XRCC5: variants seen among roughly 807,000 people sequenced by gnomAD.
XRCC5 encodes the protein X-ray repair cross complementing 5.
XRCC5 carries 12 observed loss-of-function variants against 95.7 expected under a neutral mutation model. That is an observed-to-expected ratio of 0.13 (90% CI 0.08 to 0.20). The LOEUF (loss-of-function observed/expected upper bound fraction) is 0.20. XRCC5 is among the 10% of genes least tolerant of loss of function. XRCC5 has a pLI of 1.00. For missense variants in XRCC5, 595 were observed against 873.9 expected (o/e 0.68, Z 4.02); for synonymous variants, 281 against 290.3 (o/e 0.97, Z 0.33).
At chr2:216,191,859 A>G (rs968508732) in intron 17 of XRCC5, among the ~76,000 whole-genome samples, 1 of 152,108 alleles carries the variant, frequency 6.6e-6, no homozygotes. Context: ...AAAAGACTAT[A>G]TTTTCTATAT....
chr2:216,115,042 C>T (rs1357186689), intron 2 of XRCC5, among the ~76,000 whole-genome samples: 2 of 152,184 alleles, frequency 1.3e-5, no homozygotes, highest in Non-Finnish European at 2.9e-5. Context: ...AAGAAGGGCG[C>T]AGGGCACTTG....
intron 11 of XRCC5, 141 bp downstream of exon 11, chr2:216,137,366 C>A: frequency 1.0e-6 from 1 of 959,050 alleles, no homozygotes; most frequent in South Asian, 3.1e-5. Context: ...TGGGGCAGGG[C>A]CCAGATTCTC....
At chr2:216,178,288 A>T (rs1394158957) in intron 16 of XRCC5, among the ~76,000 whole-genome samples, 1 of 152,194 alleles carries the variant, frequency 6.6e-6, no homozygotes, top group East Asian at 1.9e-4. Context: ...GGAAAATGCA[A>T]ATAGTAATAT....
intron 16 of XRCC5, among the ~76,000 whole-genome samples, chr2:216,165,330 C>A (rs1382018227): frequency 6.6e-6 from 1 of 152,232 alleles, no homozygotes; most frequent in Non-Finnish European, 1.5e-5. Context: ...AGTATTTCGA[C>A]AAAAGATGTC....
intron 16 of XRCC5, among the ~76,000 whole-genome samples, 177 bp from the exon 17 acceptor site, chr2:216,190,046 TAC>T (rs1339578177): frequency 6.6e-6 from 1 of 152,184 alleles, no homozygotes; most frequent in Non-Finnish European, 1.5e-5. Flanking sequence ...ACTTTGCAAA[TAC>T]AGAGTTTTGA....
chr2:216,195,343 T>TG (rs879671248), intron 19 of XRCC5, among the ~76,000 whole-genome samples: 8,722 of 132,274 alleles, frequency 0.066, 360 homozygotes, highest in Middle Eastern at 0.088. Flanking sequence ...TTGTTTTTCT[T>TG]TTTTTTCTTT....
At chr2:216,151,345 A>G (rs1688740561) in intron 14 of XRCC5, among the ~76,000 whole-genome samples, 1 of 152,234 alleles carries the variant, frequency 6.6e-6, no homozygotes. Flanking sequence ...GAATTCGGAC[A>G]TCTCAGGTCT....
At chr2:216,150,179 T>C (rs966023296) in intron 14 of XRCC5, among the ~76,000 whole-genome samples, 9 of 152,138 alleles carry the variant, frequency 5.9e-5, no homozygotes, top group Non-Finnish European at 1.3e-4. Flanking sequence ...CCAGGGTACA[T>C]ATTTCTAGTG....
chr2:216,162,034 C>T lies in XRCC5; in HGVS notation c.1820C>T (p.Ala607Val). The change falls in exon 16 of 21, where the codon GCC becomes GTC. Residue 607 changes from alanine to valine, a missense_variant. Transcript: ENST00000392132. Reference protein sequence around the residue: ...NFRVLVKQKKASFEEASNQLI... With the variant: ...NFRVLVKQKKVSFEEASNQLI... ...CGTGTTCTAGTGAAACAGAAGAAGG[C>T]CAGCTTTGAGGAAGGTGAGTGGTTG... 1.9e-6 allele frequency: 3 copies of T among 1,614,044 alleles called. No individual in the cohort carries two copies. The highest frequency in any genetic ancestry group is 2.5e-6 in the Non-Finnish European group (3 of 1,179,926).
At chr2:216,189,495 T>A (rs1689574613) in intron 16 of XRCC5, among the ~76,000 whole-genome samples, 1 of 152,234 alleles carries the variant, frequency 6.6e-6, no homozygotes, top group African/African-American at 2.4e-5. Flanking sequence ...TTTTGTTTCT[T>A]TGTAAGGTGT....
At chr2:216,157,723 G>GCC (rs1397767298) in intron 14 of XRCC5, among the ~76,000 whole-genome samples, 2 of 152,168 alleles carry the variant, frequency 1.3e-5, no homozygotes, top group Non-Finnish European at 2.9e-5. Flanking sequence ...GGCTAAATAA[G>GCC]TGAATTGCAA....
intron 19 of XRCC5, among the ~76,000 whole-genome samples, chr2:216,196,887 C>G (rs1466533470): frequency 2.0e-5 from 3 of 152,204 alleles, no homozygotes; most frequent in African/African-American, 7.2e-5. Flanking sequence ...TTCATTGTCA[C>G]ATGGTGTGAA....
intron 12 of XRCC5, 46 bp from the exon 13 acceptor site, chr2:216,141,140 G>C: frequency 6.2e-7 from 1 of 1,607,862 alleles, no homozygotes; most frequent in Non-Finnish European, 8.5e-7. Context: ...TGTTTTAGTG[G>C]AGAATAATGG....
intron 5 of XRCC5, among the ~76,000 whole-genome samples, chr2:216,120,948 C>T (rs772129526): frequency 1.3e-5 from 2 of 152,128 alleles, no homozygotes; most frequent in Non-Finnish European, 2.9e-5. Flanking sequence ...GTTGGCCAGG[C>T]TGGTCTTGAA....
At chr2:216,164,622 C>T (rs535117399) in intron 16 of XRCC5, among the ~76,000 whole-genome samples, 1 of 152,248 alleles carries the variant, frequency 6.6e-6, no homozygotes, top group South Asian at 2.1e-4. Flanking sequence ...AGCTCCTCAG[C>T]ATCATAGAAG....
intron 7 of XRCC5, 135 bp from the exon 8 acceptor site, chr2:216,127,401 A>G: frequency 1.0e-6 from 1 of 978,870 alleles, no homozygotes; most frequent in Non-Finnish European, 1.4e-6. Flanking sequence ...CATAATAGGC[A>G]TGAGCAAACA....
At chr2:216,188,151 A>G (rs192750948) in intron 16 of XRCC5, among the ~76,000 whole-genome samples, 24 of 152,150 alleles carry the variant, frequency 1.6e-4, no homozygotes, top group Admixed American at 1.4e-3. Flanking sequence ...TCTTCTTCAT[A>G]CTTAGGCTAA....
chr2:216,133,351 G>T (rs1697023419), intron 10 of XRCC5, among the ~76,000 whole-genome samples: 1 of 152,034 alleles, frequency 6.6e-6, no homozygotes, highest in African/African-American at 2.4e-5. Context: ...ATTTTGTTTT[G>T]TTTTTTTAAG....
chr2:216,195,160 C>A (rs1689691453), intron 19 of XRCC5, among the ~76,000 whole-genome samples, 174 bp downstream of exon 19: 1 of 152,108 alleles, frequency 6.6e-6, no homozygotes, highest in Non-Finnish European at 1.5e-5. Flanking sequence ...TAATCTTACT[C>A]AGTTTCCTGT....
Sources: gnomAD v4.1 joint callset for allele counts (sites outside exome capture counted in the v4.1 genomes callset) on GRCh38, gnomAD v4.1.1 for gene constraint, MANE v1.5 for transcripts, NCBI Gene and HGNC (gene_info 2026-07-23, HGNC 2026-07-21) for gene names.